RTKN2: variants seen among roughly 807,000 people sequenced by gnomAD.
RTKN2 encodes the protein rhotekin 2, also known as rhotekin-2.
Under a neutral mutation model 71.5 loss-of-function variants are expected in RTKN2, and 69 were observed. The observed-to-expected ratio is 0.96, with a 90% confidence interval of 0.79 to 1.18. The LOEUF is 1.18. Among genes scored for constraint, RTKN2 ranks in the 50% most tolerant of loss-of-function variants. The probability of loss-of-function intolerance (pLI) is 0.00; values close to 1 mark genes in which losing one functional copy is unlikely to be tolerated. For missense variants in RTKN2, 724 were observed against 719.7 expected (o/e 1.01, Z -0.07); for synonymous variants, 236 against 236.5 (o/e 1.00, Z 0.02).
At chr10:62,236,584 T>C (rs967090691) in intron 5 of RTKN2, among the ~76,000 whole-genome samples, 1 of 152,060 alleles carries the variant, frequency 6.6e-6, no homozygotes, top group Admixed American at 6.6e-5. Flanking sequence ...TCTGGGTTTA[T>C]ACTGGAAGGA....
chr10:62,218,327 A>G (rs762944840), intron 7 of RTKN2, 26 bp from the exon 8 acceptor site: 2 of 1,416,372 alleles, frequency 1.4e-6, no homozygotes, highest in Non-Finnish European at 2.0e-6. Context: ...AGAAAAAAAA[A>G]AATCAAGTTA....
At chr10:62,202,412 T>C (rs1271039208) in intron 10 of RTKN2, among the ~76,000 whole-genome samples, 1 of 152,216 alleles carries the variant, frequency 6.6e-6, no homozygotes, top group African/African-American at 2.4e-5. Context: ...TTGTTCTACA[T>C]ACCATACTTC....
chr10:62,253,438 C>CA (rs1433047079), intron 2 of RTKN2, among the ~76,000 whole-genome samples: 1 of 151,976 alleles, frequency 6.6e-6, no homozygotes, highest in Non-Finnish European at 1.5e-5. Flanking sequence ...TTCAATGGGT[C>CA]AAAAAATAAG....
In RTKN2 at chr10:62,245,985, C is replaced by A. The variant is rs755460285; in HGVS notation, c.316+14G>T. ...AATTTATTCAGCAATATAAAAGATT[C>A]ATTTATAGCATACCTGATATGGCAA... On this transcript the variant is annotated intron_variant, in intron 3 of 11. Transcript: ENST00000373789. 2 of 1,513,426 alleles carry A rather than the reference C, an allele frequency of 1.3e-6. No homozygotes were observed. The highest frequency in any genetic ancestry group is 2.0e-5 in the Admixed American group (1 of 51,164). The allele number at this position is 1,513,426 out of a possible 1,614,324, so 93.7% of individuals were successfully genotyped here. A position where few individuals can be genotyped will look rare whatever the true frequency, so the allele number is the denominator to read the frequency against.
chr10:62,224,896 G>A (rs912922309), intron 6 of RTKN2, among the ~76,000 whole-genome samples: 19 of 152,286 alleles, frequency 1.2e-4, no homozygotes, highest in African/African-American at 4.6e-4. Context: ...AATACAGGGA[G>A]TGATGAGCTC....
At chr10:62,243,570 C>G (rs1842422503) in intron 3 of RTKN2, among the ~76,000 whole-genome samples, 1 of 151,996 alleles carries the variant, frequency 6.6e-6, no homozygotes, top group African/African-American at 2.4e-5. Context: ...TATCCCATGC[C>G]GAAGAGAGGA....
At chr10:62,236,751 C>T (rs1339573727) in intron 5 of RTKN2, among the ~76,000 whole-genome samples, 2 of 151,950 alleles carry the variant, frequency 1.3e-5, no homozygotes, top group Non-Finnish European at 2.9e-5. Context: ...AAATAAGCTA[C>T]GTGTGTATAC....
intron 9 of RTKN2, chr10:62,215,167 A>T (rs995073163): frequency 1.1e-6 from 1 of 875,248 alleles, no homozygotes; most frequent in Non-Finnish European, 1.7e-6. Context: ...ATAAGAAAAA[A>T]ATTAGTAGGA....
chr10:62,243,562 TC>T (rs1227110022), intron 3 of RTKN2, among the ~76,000 whole-genome samples: 6 of 152,158 alleles, frequency 3.9e-5, no homozygotes, highest in African/African-American at 1.2e-4. Flanking sequence ...CCTTCTTCTA[TC>T]CCATGCCGAA....
At chr10:62,256,715 T>C (rs908697224) in intron 2 of RTKN2, among the ~76,000 whole-genome samples, 2 of 151,732 alleles carry the variant, frequency 1.3e-5, no homozygotes, top group African/African-American at 4.8e-5. Flanking sequence ...TGTGTGTGTA[T>C]AGAAAAAATG....
In RTKN2 at chr10:62,196,819, T is replaced by A; in HGVS notation, c.*1089A>T. ...AAAAGCATTATTATAAAAAATGGAT[T>A]TTTTGTTCCTTTAAGGTATTTTTCT... is the stretch of plus-strand genomic sequence containing the variant. On this transcript the variant is annotated 3_prime_UTR_variant, in exon 12 of 12. Coordinates refer to ENST00000373789, the MANE Select transcript of RTKN2 (RefSeq NM_145307.4). 7 of 977,346 alleles carry A rather than the reference T, an allele frequency of 7.2e-6. No homozygotes were observed. Among genetic ancestry groups the A allele is most frequent in the Non-Finnish European group, 8.5e-6 (7 of 822,624 alleles). The allele number at this position is 977,346 out of a possible 1,614,324, so 60.5% of individuals were successfully genotyped here.
chr10:62,193,167 T>C lies in RTKN2; in HGVS notation c.*4741A>G. The C allele has an allele frequency of 6.6e-6, 5 of 762,862 alleles. No individual in the cohort carries two copies. In the South Asian group the frequency reaches 3.0e-4, roughly 46 times the overall value. 47.3% of individuals were successfully genotyped at this position (762,862 alleles called of 1,614,324 possible). On this transcript the variant is annotated 3_prime_UTR_variant, in exon 12 of 12. Transcript: ENST00000373789. ...TGAGTAGATAAACAAAATATAAAAA[T>C]ATTTTTAAGCAAGACACCAAAAAGT...
intron 6 of RTKN2, among the ~76,000 whole-genome samples, chr10:62,232,316 T>TTTC (rs1491361215): frequency 1.7e-4 from 1 of 5,808 alleles, no homozygotes; most frequent in African/African-American, 2.6e-4. Context: ...TCTTTCTTTC[T>TTTC]TTTTTTTTTT....
Position 62,197,193 on chromosome 10 carries a change from T to G in RTKN2, c.*715A>C. The stretch of plus-strand genomic sequence containing the variant: ...TTAGCACCACACACAGAAAATTGAA[T>G]GTAAAGAGCATTTCATCTACCATTT... On this transcript the variant is annotated 3_prime_UTR_variant, in exon 12 of 12. Coordinates refer to ENST00000373789, the MANE Select transcript of RTKN2 (RefSeq NM_145307.4). 2.0e-6 allele frequency: 2 copies of G among 985,614 alleles called. No homozygotes were observed. The highest frequency in any genetic ancestry group is 2.4e-6 in the Non-Finnish European group (2 of 829,812). The allele number at this position is 985,614 out of a possible 1,614,324, so 61.1% of individuals were successfully genotyped here. A position where few individuals can be genotyped will look rare whatever the true frequency, so the allele number is the denominator to read the frequency against.
downstream of RTKN2, among the ~76,000 whole-genome samples, chr10:62,189,181 G>T (rs891928023): frequency 6.6e-6 from 1 of 151,696 alleles, no homozygotes; most frequent in African/African-American, 2.4e-5. Context: ...TTGTTGTGGG[G>T]ATCTTGTCCT....
At chr10:62,253,730 T>C (rs1160646167) in intron 2 of RTKN2, among the ~76,000 whole-genome samples, 2 of 151,950 alleles carry the variant, frequency 1.3e-5, no homozygotes, top group Non-Finnish European at 2.9e-5. Context: ...CAATAAAAAA[T>C]ATAGAAAAAC....
Position 62,268,570 on chromosome 10 carries a change from G to A in RTKN2, c.41C>T (p.Ala14Val). ...ACTCACCTGCTGGGTGGGAAGCCCCGCCAGGCGGAGCGCAGGACCCCTCAG... is the reference window on the plus strand; with the variant it reads ...ACTCACCTGCTGGGTGGGAAGCCCCACCAGGCGGAGCGCAGGACCCCTCAG... Reference protein sequence around the residue: ...PSLRGPALRLAGLPTQQDCNI... With the variant: ...PSLRGPALRLVGLPTQQDCNI... The change falls in exon 1 of 12, where the codon GCG (alanine) becomes GTG (valine). Residue 14 changes from alanine to valine, a missense_variant. Coordinates refer to ENST00000373789, the MANE Select transcript of RTKN2 (RefSeq NM_145307.4). 6.4e-7 allele frequency: 1 copy of A among 1,565,112 alleles called. No homozygotes were observed. The highest frequency in any genetic ancestry group is 1.3e-5 in the African/African-American group (1 of 74,170).
At chr10:62,241,678 A>C (rs1842377812) in intron 3 of RTKN2, among the ~76,000 whole-genome samples, 3 of 152,020 alleles carry the variant, frequency 2.0e-5, no homozygotes, top group African/African-American at 7.3e-5. Flanking sequence ...TCTAGGGCTC[A>C]AGCAAACCTC....
chr10:62,207,574 T>C (rs1841573238), intron 9 of RTKN2, among the ~76,000 whole-genome samples: 1 of 152,078 alleles, frequency 6.6e-6, no homozygotes, highest in African/African-American at 2.4e-5. Context: ...AGGAAGTGAT[T>C]AGAAAACACT....
Sources: gnomAD v4.1 joint callset for allele counts (sites outside exome capture counted in the v4.1 genomes callset) on GRCh38, gnomAD v4.1.1 for gene constraint, MANE v1.5 for transcripts, NCBI Gene and HGNC (gene_info 2026-07-23, HGNC 2026-07-21) for gene names.